The following URM1 variants were observed in gnomAD, a reference collection of about 807,000 sequenced individuals.
URM1 encodes the protein ubiquitin-related modifier 1.
Under a neutral mutation model 17.7 loss-of-function variants are expected in URM1, and 11 were observed. The ratio of observed to expected loss-of-function variants is 0.62; its 90% CI spans 0.39 to 1.03. The LOEUF (loss-of-function observed/expected upper bound fraction) is 1.03, where lower values mean the gene tolerates loss of function less well. Ranked by LOEUF, URM1 falls within the 50% of genes least tolerant of loss-of-function variation. The probability of loss-of-function intolerance (pLI) is 0.00; values close to 1 mark genes in which losing one functional copy is unlikely to be tolerated. For synonymous variants in URM1, 48 were observed against 50.6 expected, an observed-to-expected ratio of 0.95 and a Z score of 0.22; for missense variants, 128 against 129.2, an observed-to-expected ratio of 0.99 and a Z score of 0.04.
chr9:128,389,326 ACATCC>A lies in URM1; in HGVS notation c.237+19_237+23del, dbSNP rs1450622667. On this transcript the variant is annotated intron_variant, in intron 4 of 4. Transcript: ENST00000372853. Reference sequence around the variant, plus strand: ...GAGCTACTGGTCAGTACCTTGGGGGACATCCCTCCCCCAGCCCCTGCCCTTGCTGC... The same window carrying A: ...GAGCTACTGGTCAGTACCTTGGGGGACTCCCCCAGCCCCTGCCCTTGCTGC... The A allele has an allele frequency of 6.2e-7, 1 of 1,613,698 alleles. No homozygotes were observed. The highest frequency in any genetic ancestry group is 1.7e-5 in the Admixed American group (1 of 59,994).
intron 2 of URM1, among the ~76,000 whole-genome samples, chr9:128,383,580 G>A (rs1226278981): frequency 6.6e-6 from 1 of 152,150 alleles, no homozygotes. Flanking sequence ...TGGTCCCCGT[G>A]GACCATTCAG....
In URM1 at chr9:128,387,983, C is replaced by T. The variant is rs915158113; in HGVS notation, c.188+86C>T. 58 of 1,544,248 alleles carry T rather than the reference C, an allele frequency of 3.8e-5. No homozygotes were observed. Among genetic ancestry groups the T allele is most frequent in the Non-Finnish European group, 4.9e-5 (56 of 1,142,328 alleles). Reference sequence around the variant, plus strand: ...CACCCTCGGGTTCAGTCCTGGCCTTCTCTGAATCCGGTTCTCCCCTTCCTC... The same window carrying T: ...CACCCTCGGGTTCAGTCCTGGCCTTTTCTGAATCCGGTTCTCCCCTTCCTC... On this transcript the variant is annotated intron_variant, in intron 3 of 4. Transcript: ENST00000372853. The surrounding 1 kb of genome is among the most constrained non-coding windows in gnomAD (Gnocchi z 4.3).
At chr9:128,377,971 T>A in intron 1 of URM1, 65 bp from the exon 2 acceptor site, 2 of 1,585,700 alleles carry the variant, frequency 1.3e-6, no homozygotes, top group Non-Finnish European at 1.7e-6. Context: ...GTTTTCTGTT[T>A]CCGCTACCTC....
At chr9:128,388,364 G>A in intron 3 of URM1, 1 of 992,784 alleles carries the variant, frequency 1.0e-6, no homozygotes, top group Non-Finnish European at 1.2e-6. Context: ...CTCTGTGCGT[G>A]CACACACCCA....
At position 128,391,224 on chromosome 9, in the gene URM1, G is replaced by A. The variant is rs148331426; in HGVS notation, c.*1490G>A. On this transcript the variant is annotated 3_prime_UTR_variant, in exon 5 of 5. Transcript: ENST00000372853. ...TTTAAGGTGGAATTTCTCTCACCCT[G>A]TGGAGATGAAAGTGGCAAAAGGTTG... The A allele has an allele frequency of 6.6e-6, 1 of 152,270 alleles. No homozygotes were observed. The highest frequency in any genetic ancestry group is 2.1e-4 in the South Asian group (1 of 4,830). The allele number at this position is 152,270 out of a possible 1,614,324, so 9.4% of individuals were successfully genotyped here. A position where few individuals can be genotyped will look rare whatever the true frequency, so the allele number is the denominator to read the frequency against.
chr9:128,379,279 T>A (rs1252026475), intron 2 of URM1, among the ~76,000 whole-genome samples: 1 of 148,182 alleles, frequency 6.7e-6, no homozygotes. Flanking sequence ...CAGGAGTTCC[T>A]GACCATCCTG....
intron 2 of URM1, among the ~76,000 whole-genome samples, chr9:128,385,109 C>G (rs1047063761): frequency 1.3e-5 from 2 of 152,118 alleles, no homozygotes; most frequent in African/African-American, 2.4e-5. Flanking sequence ...GGAGCAGGCC[C>G]GTTCTCAAGG....
intron 1 of URM1, 81 bp downstream of exon 1, chr9:128,371,496 G>C: frequency 1.4e-6 from 2 of 1,443,550 alleles, no homozygotes; most frequent in South Asian, 2.4e-5. Context: ...CGTGGGGCCT[G>C]ACACGGCCGA....
chr9:128,385,472 G>A (rs929899730), intron 2 of URM1, among the ~76,000 whole-genome samples: 9 of 151,996 alleles, frequency 5.9e-5, no homozygotes, highest in African/African-American at 1.7e-4. Context: ...ATGATCACAC[G>A]GGATCCCAGG....
rs967716083 is a variant in URM1 at position 128,391,132 on chromosome 9, A to C, written c.*1398A>C. 1 of 152,260 alleles carries C rather than the reference A, an allele frequency of 6.6e-6. No individual in the cohort carries two copies. The highest frequency in any genetic ancestry group is 2.4e-5 in the African/African-American group (1 of 41,478). The allele number at this position is 152,260 out of a possible 1,614,324, so 9.4% of individuals were successfully genotyped here. ...TGGAGGGAGACCCCCAAAAAGAATT[A>C]GGGTGCTAACATCCCACCAAAAGCA... On this transcript the variant is annotated 3_prime_UTR_variant, in exon 5 of 5. Transcript: ENST00000372853.
At chr9:128,382,034 A>C (rs1440828280) in intron 2 of URM1, among the ~76,000 whole-genome samples, 1 of 152,184 alleles carries the variant, frequency 6.6e-6, no homozygotes, top group East Asian at 1.9e-4. Context: ...GCCCAGAGTT[A>C]CCCAAGTAGG....
At position 128,387,067 on chromosome 9, in the gene URM1, G is replaced by A. The variant is rs1231961728; in HGVS notation, c.107-749G>A. ...AAAGGACAGGTGACCCTGAAGACAG[G>A]TGGCTCTGAGCCTCCACATGACATA... On this transcript the variant is annotated intron_variant, in intron 2 of 4. Coordinates refer to ENST00000372853, the MANE Select transcript of URM1 (RefSeq NM_030914.4). This position sits in a 1 kb window ranked among gnomAD's most constrained non-coding sequence, Gnocchi z 4.3. 3.3e-5 allele frequency among the ~76,000 whole-genome samples: 5 copies of A among 152,336 alleles called. No individual in the cohort carries two copies. The highest frequency in any genetic ancestry group is 3.4e-3 in the Middle Eastern group (1 of 294).
chr9:128,377,982 T>C, intron 1 of URM1, 54 bp from the exon 2 acceptor site: 2 of 1,603,320 alleles, frequency 1.2e-6, no homozygotes, highest in Non-Finnish European at 1.7e-6. Flanking sequence ...CCGCTACCTC[T>C]TCCTATTTGC....
chr9:128,381,944 ACTT>A (rs1346611484), intron 2 of URM1, among the ~76,000 whole-genome samples: 1 of 152,220 alleles, frequency 6.6e-6, no homozygotes, highest in Non-Finnish European at 1.5e-5. Flanking sequence ...TTCAACAACT[ACTT>A]ATTTCAACTT....
intron 2 of URM1, among the ~76,000 whole-genome samples, chr9:128,379,261 C>G (rs919075302): frequency 6.6e-6 from 1 of 152,070 alleles, no homozygotes; most frequent in African/African-American, 2.4e-5. Flanking sequence ...GCGGGCAGAT[C>G]ACGAGGTCAG....
Position 128,387,758 on chromosome 9 carries a change from G to C in URM1, c.107-58G>C, listed in dbSNP as rs1211403644. 3 of 1,611,144 alleles carry C rather than the reference G, an allele frequency of 1.9e-6. No individual in the cohort carries two copies. Among genetic ancestry groups the C allele is most frequent in the Admixed American group, 3.3e-5 (2 of 59,972 alleles). The stretch of plus-strand genomic sequence containing the variant: ...TCCTTGTGGGCCAGGCAAGGCTCTG[G>C]GGGTGGGCAGGTGCTATTTGGGTTT... On this transcript the variant is annotated intron_variant, in intron 2 of 4. Coordinates refer to ENST00000372853, the MANE Select transcript of URM1 (RefSeq NM_030914.4). The surrounding 1 kb of genome is among the most constrained non-coding windows in gnomAD (Gnocchi z 4.3).
At position 128,381,232 on chromosome 9, in the gene URM1, G is replaced by A. The variant is rs572738720; in HGVS notation, c.106+3126G>A. 1.1e-4 allele frequency among the ~76,000 whole-genome samples: 17 copies of A among 152,328 alleles called. 1 individual carries two copies. In the South Asian group the frequency reaches 2.1e-3, roughly 19 times the overall value. On this transcript the variant is annotated intron_variant, in intron 2 of 4. Coordinates refer to ENST00000372853, the MANE Select transcript of URM1 (RefSeq NM_030914.4). ...ATTCATTAGTGAGCAAAATAGATGT[G>A]GTCCTTGCCCTAGTAGAGTTAGCAG...
In URM1 at chr9:128,387,787, A is replaced by T. The variant is rs1564413054; in HGVS notation, c.107-29A>T. ...TGGGCAGGTGCTATTTGGGTTTGAC[A>T]AGAGTTTGTTCTGTGCATTCCTTTC... On this transcript the variant is annotated intron_variant, in intron 2 of 4. Transcript: ENST00000372853. This position sits in a 1 kb window ranked among gnomAD's most constrained non-coding sequence, Gnocchi z 4.3. 2 of 1,613,750 alleles carry T rather than the reference A, an allele frequency of 1.2e-6. No homozygotes were observed. The highest frequency in any genetic ancestry group is 1.7e-4 in the Middle Eastern group (1 of 6,052).
chr9:128,371,499 A>C, intron 1 of URM1, 84 bp downstream of exon 1: 1 of 1,446,198 alleles, frequency 6.9e-7, no homozygotes, highest in African/African-American at 1.4e-5. Flanking sequence ...GGGGCCTGAC[A>C]CGGCCGAATC....
Sources: gnomAD v4.1 joint callset for allele counts (sites outside exome capture counted in the v4.1 genomes callset) on GRCh38, gnomAD v4.1.1 for gene constraint, Gnocchi (gnomAD v3.1) non-coding constraint, MANE v1.5 for transcripts, NCBI Gene and HGNC (gene_info 2026-07-23, HGNC 2026-07-21) for gene names.